The following PTP4A1 variants were observed in gnomAD, a reference collection of about 807,000 sequenced individuals.
PTP4A1 encodes protein tyrosine phosphatase type IVA 1.
Under a neutral mutation model 20.5 loss-of-function variants are expected in PTP4A1, and 9 were observed. The ratio of observed to expected loss-of-function variants is 0.44; its 90% confidence interval spans 0.26 to 0.77. The LOEUF (loss-of-function observed/expected upper bound fraction) is 0.77, where lower values mean the gene tolerates loss of function less well. PTP4A1 is among the 30% of genes least tolerant of loss of function. PTP4A1 has a pLI of 0.19. For missense variants in PTP4A1, 137 were observed against 218.8 expected (o/e 0.63, Z 2.36); for synonymous variants, 78 against 67.4 (o/e 1.16, Z -0.77).
At chr6:63,573,105 C>G (rs1466752571) in intron 1 of PTP4A1, 1 of 169,686 alleles carries the variant, frequency 5.9e-6, no homozygotes, top group Non-Finnish European at 1.2e-5. Flanking sequence ...GCCCTTGGCC[C>G]TTTGGTCTGG....
At chr6:63,524,240 C>T (rs1319597874) in intron 1 of PTP4A1, among the ~76,000 whole-genome samples, 3 of 152,158 alleles carry the variant, frequency 2.0e-5, no homozygotes, top group Non-Finnish European at 4.4e-5. Context: ...CTGCCTTGGC[C>T]TCCCAAATTG....
chr6:63,569,690 A>G (rs762160296), upstream of PTP4A1, among the ~76,000 whole-genome samples: 2 of 152,238 alleles, frequency 1.3e-5, no homozygotes, highest in Non-Finnish European at 2.9e-5. Flanking sequence ...TGAGAGAAGT[A>G]ACTTCCAGCT....
At chr6:63,567,545 T>C (rs1777243449), upstream of PTP4A1, among the ~76,000 whole-genome samples, 1 of 152,234 alleles carries the variant, frequency 6.6e-6, no homozygotes, top group African/African-American at 2.4e-5. Flanking sequence ...AGATGTGCTG[T>C]CAACCAGGTT....
In PTP4A1 at chr6:63,582,141, TATTTGTGATAGTAATCACAA is replaced by T. The variant is rs1177767424; in HGVS notation, c.*1972_*1991del. On this transcript the variant is annotated 3_prime_UTR_variant, in exon 6 of 6. Coordinates refer to ENST00000626021, the MANE Select transcript of PTP4A1 (RefSeq NM_003463.5). ...GCCCTTGGTTATTTAAATCTTGGAT[TATTTGTGATAGTAATCACAA>T]ATTTTTGGCTAATTTTTAACCTGAG... is the stretch of plus-strand genomic sequence containing the variant. 1 of 152,092 alleles carries T rather than the reference TATTTGTGATAGTAATCACAA, an allele frequency of 6.6e-6. No homozygotes were observed. The highest frequency in any genetic ancestry group is 1.5e-5 in the Non-Finnish European group (1 of 67,984). The allele number at this position is 152,092 out of a possible 1,614,324, so 9.4% of individuals were successfully genotyped here.
Position 63,580,282 on chromosome 6 carries a change from A to C in PTP4A1, c.*108A>C. 1 of 899,412 alleles carries C rather than the reference A, an allele frequency of 1.1e-6. No individual in the cohort carries two copies. Among genetic ancestry groups the C allele is most frequent in the Admixed American group, 2.1e-5 (1 of 46,964 alleles). The allele number at this position is 899,412 out of a possible 1,614,324, so 55.7% of individuals were successfully genotyped here. A position where few individuals can be genotyped will look rare whatever the true frequency, so the allele number is the denominator to read the frequency against. On this transcript the variant is annotated 3_prime_UTR_variant, in exon 6 of 6. Coordinates refer to ENST00000626021, the MANE Select transcript of PTP4A1 (RefSeq NM_003463.5). Reference sequence around the variant, plus strand: ...GTAAGTCTAATGAAGCTTCCATAGGAGTATTGAAAGGCAGTTTTACCAGGC... The same window carrying C: ...GTAAGTCTAATGAAGCTTCCATAGGCGTATTGAAAGGCAGTTTTACCAGGC...
chr6:63,538,614 A>C (rs752762692), intron 2 of PTP4A1, among the ~76,000 whole-genome samples: 1 of 152,222 alleles, frequency 6.6e-6, no homozygotes, highest in African/African-American at 2.4e-5. Context: ...AGCATGCAAA[A>C]AGAAAAAAAG....
chr6:63,578,580 T>C, intron 3 of PTP4A1, 51 bp downstream of exon 3: 1 of 1,567,676 alleles, frequency 6.4e-7, no homozygotes, highest in Non-Finnish European at 8.6e-7. Context: ...TACAAAAGTT[T>C]ATTCAAATAG....
At chr6:63,518,401 G>T (rs1774808161), upstream of PTP4A1, among the ~76,000 whole-genome samples, 1 of 152,060 alleles carries the variant, frequency 6.6e-6, no homozygotes, top group Non-Finnish European at 1.5e-5. Flanking sequence ...TTTTATAATT[G>T]ATTAACTAAA....
chr6:63,567,890 C>A (rs1180151772), upstream of PTP4A1, among the ~76,000 whole-genome samples: 1 of 152,226 alleles, frequency 6.6e-6, no homozygotes, highest in East Asian at 1.9e-4. Flanking sequence ...CTTCACCTTT[C>A]ATTTTTATGT....
intron 3 of PTP4A1, among the ~76,000 whole-genome samples, chr6:63,558,309 C>T (rs1776776477): frequency 6.6e-6 from 1 of 151,836 alleles, no homozygotes; most frequent in Non-Finnish European, 1.5e-5. Context: ...GAGAAAGAAG[C>T]AGGGAAGGAA....
intron 2 of PTP4A1, chr6:63,548,877 T>C (rs879787170): frequency 2.5e-6 from 2 of 791,722 alleles, no homozygotes; most frequent in Non-Finnish European, 4.5e-6. Flanking sequence ...AGCGCCTTTG[T>C]CTTCTGAGTT....
upstream of PTP4A1, among the ~76,000 whole-genome samples, chr6:63,568,073 A>T (rs149082284): frequency 3.6e-3 from 546 of 152,256 alleles, 1 homozygote; most frequent in African/African-American, 0.012. Flanking sequence ...TCTATCCAGA[A>T]CTCTAAAACT....
At chr6:63,555,133 A>G (rs1386998548) in intron 3 of PTP4A1, among the ~76,000 whole-genome samples, 1 of 152,182 alleles carries the variant, frequency 6.6e-6, no homozygotes, top group African/African-American at 2.4e-5. Context: ...TTCTGGTAAT[A>G]TAAGAATAGT....
upstream of PTP4A1, among the ~76,000 whole-genome samples, chr6:63,518,542 G>C (rs565808968): frequency 2.3e-4 from 35 of 152,248 alleles, no homozygotes; most frequent in Non-Finnish European, 2.9e-5. Context: ...AAAGAGGGTG[G>C]GGGCAATGTA....
upstream of PTP4A1, among the ~76,000 whole-genome samples, chr6:63,570,453 C>T (rs2149503095): frequency 6.6e-6 from 1 of 152,270 alleles, no homozygotes; most frequent in South Asian, 2.1e-4. Context: ...GGCTAAGACC[C>T]CCAGGCCACT....
At chr6:63,546,261 T>G (rs527968093) in intron 2 of PTP4A1, among the ~76,000 whole-genome samples, 49 of 152,238 alleles carry the variant, frequency 3.2e-4, no homozygotes, top group South Asian at 1.2e-3. Context: ...GGAGGACATT[T>G]TGCTAAGTGA....
At chr6:63,562,311 T>C (rs944857064) in intron 3 of PTP4A1, among the ~76,000 whole-genome samples, 3 of 152,038 alleles carry the variant, frequency 2.0e-5, no homozygotes, top group Non-Finnish European at 4.4e-5. Flanking sequence ...GTGATTCTTC[T>C]GCCTCAGCCT....
chr6:63,579,083 C>A (rs1417244599), intron 4 of PTP4A1, 55 bp downstream of exon 4: 1 of 1,486,576 alleles, frequency 6.7e-7, no homozygotes, highest in Non-Finnish European at 8.9e-7. Context: ...AATGAAAATA[C>A]AGAAACTTGA....
Position 63,525,537 on chromosome 6 carries a change from A to T in PTP4A1, c.-905-2282A>T, listed in dbSNP as rs1268547393. 2.0e-5 allele frequency among the ~76,000 whole-genome samples: 3 copies of T among 152,028 alleles called. No homozygotes were observed. In the East Asian group the frequency reaches 5.8e-4, roughly 29 times the overall value. Reference sequence around the variant, plus strand: ...CATCTCCCAGAACCTAGTTCATGCCACTCTCTCAGAGCATCTTCTGAAATC... The same window carrying T: ...CATCTCCCAGAACCTAGTTCATGCCTCTCTCTCAGAGCATCTTCTGAAATC... On this transcript the variant is annotated intron_variant, in intron 1 of 3. Coordinates refer to the PTP4A1 transcript ENST00000639568.
Sources: allele counts gnomAD v4.1 joint callset (sites outside exome capture counted in the v4.1 genomes callset), GRCh38; gene constraint gnomAD v4.1.1; transcripts MANE v1.5; gene names NCBI Gene and HGNC (gene_info 2026-07-23, HGNC 2026-07-21).